The following SPOCK3 variants were observed in gnomAD, a reference collection of about 807,000 sequenced individuals.
The protein encoded by SPOCK3 is testican-3.
In SPOCK3, 30 loss-of-function variants were observed where a neutral mutation model predicts 56.6. That is an observed-to-expected ratio of 0.53 (90% confidence interval 0.40 to 0.72). SPOCK3 has a LOEUF of 0.72. SPOCK3 is among the 30% of genes least tolerant of loss of function. SPOCK3 has a pLI of 0.00. For synonymous variants in SPOCK3, 196 were observed against 183.3 expected (o/e 1.07, Z -0.56); for missense variants, 527 against 530.0 (o/e 0.99, Z 0.06).
intron 2 of SPOCK3, among the ~76,000 whole-genome samples, chr4:167,178,218 G>A (rs1280932525): frequency 1.3e-5 from 2 of 152,192 alleles, no homozygotes; most frequent in African/African-American, 4.8e-5. Context: ...TTCAATTTCT[G>A]TGACTGTAAA....
intron 2 of SPOCK3, among the ~76,000 whole-genome samples, chr4:167,117,584 T>C (rs149769294): frequency 0.012 from 1,804 of 152,202 alleles, 23 homozygotes; most frequent in Non-Finnish European, 0.019. Flanking sequence ...GATGCCGGAT[T>C]GTGGACAGAA....
At position 166,733,513 on chromosome 4, in the gene SPOCK3, A is replaced by G. The variant is rs1733942738; in HGVS notation, c.*1408T>C. The G allele has an allele frequency of 6.6e-6, 1 of 151,890 alleles. No homozygotes were observed. The highest frequency in any genetic ancestry group is 1.5e-5 in the Non-Finnish European group (1 of 67,788). The allele number at this position is 151,890 out of a possible 1,614,324, so 9.4% of individuals were successfully genotyped here. A position where few individuals can be genotyped will look rare whatever the true frequency, so the allele number is the denominator to read the frequency against. On this transcript the variant is annotated 3_prime_UTR_variant, in exon 11 of 11. Coordinates refer to ENST00000357545, the MANE Select transcript of SPOCK3 (RefSeq NM_001040159.2). ...TGTATAAATTAAATGGAAATAATTAATCAATTTTGCTTTCAATGAATTGTA... is the reference window on the plus strand; with the variant it reads ...TGTATAAATTAAATGGAAATAATTAGTCAATTTTGCTTTCAATGAATTGTA...
chr4:167,117,413 G>A (rs921715389), intron 2 of SPOCK3, among the ~76,000 whole-genome samples: 7 of 152,020 alleles, frequency 4.6e-5, no homozygotes, highest in Non-Finnish European at 7.4e-5. Context: ...CCTGAGTCCC[G>A]GGCAAGAGTG....
At chr4:166,852,198 G>A (rs1448575592) in intron 6 of SPOCK3, among the ~76,000 whole-genome samples, 2 of 152,044 alleles carry the variant, frequency 1.3e-5, no homozygotes, top group South Asian at 2.1e-4. Flanking sequence ...CCTAATGCTA[G>A]ATGACGAGTT....
chr4:166,828,833 T>C (rs1745737695), intron 6 of SPOCK3, among the ~76,000 whole-genome samples: 1 of 152,032 alleles, frequency 6.6e-6, no homozygotes, highest in African/African-American at 2.4e-5. Context: ...CATGGATCTT[T>C]ATTTCACTCA....
At chr4:167,104,587 C>A (rs888803260) in intron 2 of SPOCK3, among the ~76,000 whole-genome samples, 3 of 151,772 alleles carry the variant, frequency 2.0e-5, no homozygotes, top group Non-Finnish European at 4.4e-5. Context: ...CCTACAAGAT[C>A]TAGAAAATAG....
chr4:167,110,713 A>G (rs1040256549), intron 2 of SPOCK3, among the ~76,000 whole-genome samples: 1 of 152,104 alleles, frequency 6.6e-6, no homozygotes, highest in African/African-American at 2.4e-5. Flanking sequence ...GAATAAATAC[A>G]CTTAAGGGGG....
intron 2 of SPOCK3, among the ~76,000 whole-genome samples, chr4:167,194,436 C>T (rs1164616761): frequency 1.3e-5 from 2 of 152,148 alleles, no homozygotes; most frequent in Non-Finnish European, 2.9e-5. Flanking sequence ...TTCAGGCATG[C>T]TACTAGAGCT....
chr4:166,812,695 A>G (rs923893131), intron 6 of SPOCK3, among the ~76,000 whole-genome samples: 1 of 151,958 alleles, frequency 6.6e-6, no homozygotes, highest in Non-Finnish European at 1.5e-5. Flanking sequence ...TGATATTGGA[A>G]TGAACTTTTC....
rs150772208 is a variant in SPOCK3, at chr4:167,224,697, A to G, written c.189+9288T>C. Among the ~76,000 whole-genome samples the G allele has an allele frequency of 3.7e-4, 57 of 152,208 alleles. No individual in the cohort carries two copies. In the East Asian group the frequency reaches 0.011, roughly 29 times the overall value. On this transcript the variant is annotated intron_variant, in intron 2 of 10. Transcript: ENST00000357545. ...TTTTTTTAAGACTGAGTCTTGCTCT[A>G]TTGCCAGGCTGGAGTGCAGGCACAT...
At chr4:167,010,707 A>G (rs764106981) in intron 3 of SPOCK3, among the ~76,000 whole-genome samples, 4 of 152,128 alleles carry the variant, frequency 2.6e-5, no homozygotes, top group African/African-American at 4.8e-5. Context: ...CGACGGACCC[A>G]GAAGGAATAG....
chr4:166,951,536 T>A (rs1424269952), intron 4 of SPOCK3, among the ~76,000 whole-genome samples: 1 of 140,400 alleles, frequency 7.1e-6, no homozygotes, highest in Non-Finnish European at 1.5e-5. Context: ...CTTCTGAAAC[T>A]ATTCCAATCA....
At chr4:166,982,995 GT>G (rs1746754815) in intron 4 of SPOCK3, among the ~76,000 whole-genome samples, 1 of 152,098 alleles carries the variant, frequency 6.6e-6, no homozygotes, top group African/African-American at 2.4e-5. Context: ...GATCTTGTTA[GT>G]AAGGAAGAAT....
chr4:166,957,313 T>C (rs1459546570), intron 4 of SPOCK3, among the ~76,000 whole-genome samples: 2 of 152,218 alleles, frequency 1.3e-5, no homozygotes, highest in Non-Finnish European at 2.9e-5. Context: ...TTTGTCTCAC[T>C]TTAAACTAAT....
chr4:166,799,463 C>T (rs1742313530), intron 6 of SPOCK3, among the ~76,000 whole-genome samples: 3 of 152,080 alleles, frequency 2.0e-5, no homozygotes, highest in East Asian at 1.9e-4. Context: ...GGAAGACATT[C>T]GGAAGATACT....
At chr4:167,058,780 A>T (rs1755216909) in intron 3 of SPOCK3, among the ~76,000 whole-genome samples, 1 of 152,232 alleles carries the variant, frequency 6.6e-6, no homozygotes, top group African/African-American at 2.4e-5. Context: ...CCAAAACAGC[A>T]TGGTACTGGT....
In SPOCK3 at chr4:167,010,466, G is replaced by A. The variant is rs146074908; in HGVS notation, c.236-10003C>T. 8.1e-3 allele frequency among the ~76,000 whole-genome samples: 1,132 copies of A among 140,266 alleles called. 13 individuals carry two copies. The highest frequency in any genetic ancestry group is 0.028 in the African/African-American group (1,065 of 37,630). 92.0% of individuals were successfully genotyped at this position (140,266 alleles called of 152,430 possible). On this transcript the variant is annotated intron_variant, in intron 3 of 10. Coordinates refer to ENST00000357545, the MANE Select transcript of SPOCK3 (RefSeq NM_001040159.2). ...GCCCAGGAAGTTGAGGCTGCAGTAAGCCAAGGTCACGCCACTGCACTACAG... is the reference window on the plus strand; with the variant it reads ...GCCCAGGAAGTTGAGGCTGCAGTAAACCAAGGTCACGCCACTGCACTACAG...
At position 167,056,896 on chromosome 4, in the gene SPOCK3, G is replaced by T. The variant is rs565965077; in HGVS notation, c.235+5596C>A. 4.3e-4 allele frequency among the ~76,000 whole-genome samples: 65 copies of T among 152,246 alleles called. 1 individual carries two copies. In the South Asian group the frequency reaches 7.7e-3, roughly 18 times the overall value. ...TATCCAGGAGAACTTCCCCAATCTA[G>T]CAAGGCAGGCCAACATTCAGATTCA... On this transcript the variant is annotated intron_variant, in intron 3 of 10. Coordinates refer to ENST00000357545, the MANE Select transcript of SPOCK3 (RefSeq NM_001040159.2).
At chr4:167,207,776 C>T (rs1032539540) in intron 2 of SPOCK3, among the ~76,000 whole-genome samples, 2 of 151,868 alleles carry the variant, frequency 1.3e-5, no homozygotes, top group Admixed American at 6.6e-5. Flanking sequence ...TGCTAAATGA[C>T]GAGTTAATGG....
Sources: gnomAD v4.1 joint callset for allele counts (sites outside exome capture counted in the v4.1 genomes callset) on GRCh38, gnomAD v4.1.1 for gene constraint, MANE v1.5 for transcripts, NCBI Gene and HGNC (gene_info 2026-07-23, HGNC 2026-07-21) for gene names.